The following SYTL2 variants were observed in gnomAD, a reference collection of about 807,000 sequenced individuals.
SYTL2 encodes the protein synaptotagmin-like protein 2.
Under a neutral mutation model 198.7 loss-of-function variants are expected in SYTL2, and 165 were observed. The observed-to-expected ratio is 0.83, with a 90% CI of 0.73 to 0.94. SYTL2 has a LOEUF of 0.94. Ranked by LOEUF, SYTL2 falls within the 40% of genes least tolerant of loss-of-function variation. SYTL2 has a pLI of 0.00. For missense variants in SYTL2, 2,835 were observed against 2,582.8 expected, an observed-to-expected ratio of 1.10 and a Z score of -2.12; for synonymous variants, 966 against 917.7, an observed-to-expected ratio of 1.05 and a Z score of -0.95.
intron 1 of SYTL2, among the ~76,000 whole-genome samples, chr11:85,789,859 T>C (rs537843016): frequency 6.6e-6 from 1 of 152,252 alleles, no homozygotes; most frequent in South Asian, 2.1e-4. Flanking sequence ...ATTTCTATTA[T>C]TGAAATAAGA....
chr11:85,764,923 T>C (rs1247826161), intron 1 of SYTL2, among the ~76,000 whole-genome samples: 1 of 152,240 alleles, frequency 6.6e-6, no homozygotes, highest in Non-Finnish European at 1.5e-5. Context: ...TGTTTTGTAA[T>C]ATGCGTACAC....
chr11:85,742,347 G>C (rs1215729143), intron 4 of SYTL2, among the ~76,000 whole-genome samples: 1 of 152,228 alleles, frequency 6.6e-6, no homozygotes, highest in Non-Finnish European at 1.5e-5. Context: ...GACCTAATTT[G>C]ATAGTCAGGA....
Position 85,745,781 on chromosome 11 carries a change from G to T in SYTL2, c.254-9C>A, listed in dbSNP as rs1415081900. 1 of 1,605,858 alleles carries T rather than the reference G, an allele frequency of 6.2e-7. No individual in the cohort carries two copies. The highest frequency in any genetic ancestry group is 8.5e-7 in the Non-Finnish European group (1 of 1,174,484). ...GTCTTTACTCTGCTCAGCTGAAACA[G>T]GAAACAGTAAAGACAGGAAGGTTAT... On this transcript the variant is annotated splice_polypyrimidine_tract_variant and intron_variant, in intron 3 of 19. Coordinates refer to ENST00000359152, the MANE Select transcript of SYTL2 (RefSeq NM_206927.4).
Position 85,726,076 on chromosome 11 carries a change from A to T in SYTL2, c.3282T>A (p.Asn1094Lys). 2.5e-6 allele frequency: 4 copies of T among 1,613,520 alleles called. No individual in the cohort carries two copies. The highest frequency in any genetic ancestry group is 2.5e-6 in the Non-Finnish European group (3 of 1,179,762). ...ACACTGGAGTAACAATCCCTTCCGT[A>T]TTCTTTTCCACATTTTCCTTTGATG... The part of the protein sequence containing the change: ...NESSKENVEK[N>K]TEGIVTPVFK... The change falls in exon 8 of 20, where the codon AAT becomes AAA. Residue 1094 changes from asparagine to lysine, a missense_variant. Physicochemically the swap from Asn to Lys is moderately conservative, Grantham distance 94. Transcript: ENST00000359152.
chr11:85,724,708 T>G lies in SYTL2; in HGVS notation c.4650A>C (p.Thr1550=), dbSNP rs370577240. The part of the protein sequence containing the change: ...SECHPEELKE[T]VEKAEAPLIT... ...TTAACGGAGCCTCGGCCTTTTCTAC[T>G]GTTTCTTTTAATTCCTCAGGATGGC... The change falls in exon 8 of 20, where the codon ACA becomes ACC. Residue 1550 remains threonine (T), a synonymous_variant. Coordinates refer to ENST00000359152, the MANE Select transcript of SYTL2 (RefSeq NM_206927.4). The G allele has an allele frequency of 3.1e-6, 5 of 1,614,120 alleles. No homozygotes were observed. The highest frequency in any genetic ancestry group is 4.2e-6 in the Non-Finnish European group (5 of 1,180,000).
the SYTL2 span, among the ~76,000 whole-genome samples, chr11:85,825,547 G>A: frequency 6.6e-6 from 1 of 152,206 alleles, no homozygotes; most frequent in African/African-American, 2.4e-5. Flanking sequence ...GGGTAGGTGA[G>A]GAAAGACTGG....
At chr11:85,752,981 A>G (rs537594996) in intron 2 of SYTL2, among the ~76,000 whole-genome samples, 27 of 146,724 alleles carry the variant, frequency 1.8e-4, no homozygotes, top group African/African-American at 6.8e-4. Flanking sequence ...GCAGCTGAGA[A>G]TCATAAGATG....
the SYTL2 span, among the ~76,000 whole-genome samples, chr11:85,851,819 T>C: frequency 9.8e-5 from 15 of 152,382 alleles, no homozygotes; most frequent in African/African-American, 3.4e-4. Context: ...ATCTCCATGC[T>C]TTAAAAATTT....
At chr11:85,844,606 C>T in the SYTL2 span, among the ~76,000 whole-genome samples, 1 of 152,168 alleles carries the variant, frequency 6.6e-6, no homozygotes, top group Non-Finnish European at 1.5e-5. Flanking sequence ...AGAGATTAGG[C>T]AAGCTGATAA....
the SYTL2 span, among the ~76,000 whole-genome samples, chr11:85,833,087 G>GAAAGAAAGAAAT: frequency 2.0e-5 from 1 of 49,582 alleles, no homozygotes; most frequent in South Asian, 6.2e-4. Flanking sequence ...AAGAAAGAAA[G>GAAAGAAAGAAAT]AAAGAAAGAA....
intron 1 of SYTL2, among the ~76,000 whole-genome samples, chr11:85,804,622 G>A (rs2092933926): frequency 6.6e-6 from 1 of 152,192 alleles, no homozygotes; most frequent in Non-Finnish European, 1.5e-5. Flanking sequence ...CTGGTACATA[G>A]TAAGTGCTCA....
intron 4 of SYTL2, among the ~76,000 whole-genome samples, chr11:85,740,118 C>T (rs1195445183): frequency 6.6e-6 from 1 of 152,154 alleles, no homozygotes; most frequent in East Asian, 1.9e-4. Context: ...TTGCAGGATC[C>T]TCAAGGCCTG....
At chr11:85,743,665 A>T (rs992341610) in intron 4 of SYTL2, among the ~76,000 whole-genome samples, 1 of 152,198 alleles carries the variant, frequency 6.6e-6, no homozygotes, top group Non-Finnish European at 1.5e-5. Flanking sequence ...ATACTATGTT[A>T]TTAGCCTCAA....
chr11:85,769,899 C>T (rs796171906), intron 1 of SYTL2, among the ~76,000 whole-genome samples: 21 of 152,258 alleles, frequency 1.4e-4, no homozygotes, highest in African/African-American at 3.4e-4. Context: ...TGCAAAAACA[C>T]GCAGTTTATG....
At chr11:85,730,540 A>G (rs35880476) in intron 7 of SYTL2, among the ~76,000 whole-genome samples, 1 of 152,332 alleles carries the variant, frequency 6.6e-6, no homozygotes, top group Middle Eastern at 3.4e-3. Context: ...AAAAAATTCA[A>G]CAGCCCTTCT....
In SYTL2 at chr11:85,726,012, C is replaced by A. The variant is rs1565927112; in HGVS notation, c.3346G>T (p.Glu1116Ter). The A allele has an allele frequency of 2.5e-6, 4 of 1,613,542 alleles. No individual in the cohort carries two copies. The highest frequency in any genetic ancestry group is 3.4e-6 in the Non-Finnish European group (4 of 1,179,860). The change falls in exon 8 of 20, where the codon GAA (glutamate) becomes TAA (stop). Residue 1116 changes from glutamate (E) to a stop codon, truncating the protein, a stop_gained. Coordinates refer to ENST00000359152, the MANE Select transcript of SYTL2 (RefSeq NM_206927.4). LOFTEE classifies it high-confidence loss of function. ...AAAACATTGGTTTTTATTATGGATT[C>A]TTGAATCTCTTGTTCTGAGTAATCC... ...EKDYSEQEIQ[E>*]SIIKTNVLSK...
chr11:85,699,786 C>T (rs1352709462), intron 17 of SYTL2, among the ~76,000 whole-genome samples: 1 of 152,178 alleles, frequency 6.6e-6, no homozygotes, highest in Non-Finnish European at 1.5e-5. Context: ...AAGGAGCTGG[C>T]TGGCATTCAT....
chr11:85,706,122 C>G (rs1038329194), intron 15 of SYTL2, among the ~76,000 whole-genome samples: 5 of 152,138 alleles, frequency 3.3e-5, no homozygotes, highest in Non-Finnish European at 4.4e-5. Flanking sequence ...ATTTATCTTT[C>G]CAGTAAACAT....
rs1346913164 is a variant in SYTL2 at position 85,695,037 on chromosome 11, A to T, written c.*158T>A. 5.0e-6 allele frequency: 3 copies of T among 594,142 alleles called. No individual in the cohort carries two copies. In the South Asian group the frequency reaches 1.1e-4, roughly 21 times the overall value. The allele number at this position is 594,142 out of a possible 1,614,324, so 36.8% of individuals were successfully genotyped here. On this transcript the variant is annotated 3_prime_UTR_variant, in exon 20 of 20. Transcript: ENST00000359152. ...TATATTTAAATCCCTTGGGCCTTGT[A>T]ATCAAAGAAGCACATGCAGATTGAC...
Sources: gnomAD v4.1 joint callset for allele counts (sites outside exome capture counted in the v4.1 genomes callset) on GRCh38, gnomAD v4.1.1 for gene constraint, MANE v1.5 for transcripts, NCBI Gene and HGNC (gene_info 2026-07-23, HGNC 2026-07-21) for gene names.